The following GRAMD1A variants were observed in gnomAD, a reference collection of about 807,000 sequenced individuals.
The protein encoded by GRAMD1A is protein Aster-A.
Under a neutral mutation model 92.0 loss-of-function variants are expected in GRAMD1A, and 50 were observed. The observed-to-expected ratio is 0.54, with a 90% CI of 0.43 to 0.69. The LOEUF (loss-of-function observed/expected upper bound fraction) is 0.69. Among genes scored for constraint, GRAMD1A ranks in the 30% least tolerant of loss-of-function variants. GRAMD1A has a pLI of 0.00. For synonymous variants in GRAMD1A, 405 were observed against 403.6 expected (o/e 1.00, Z -0.04); for missense variants, 819 against 978.9 (o/e 0.84, Z 2.18).
At chr19:35,014,084 AC>A in intron 9 of GRAMD1A, 104 bp from the exon 10 acceptor site, 3 of 1,083,942 alleles carry the variant, frequency 2.8e-6, no homozygotes, top group Non-Finnish European at 4.2e-6. Context: ...TGCACACACC[AC>A]CCCGGGTCTG....
chr19:35,012,905 G>A lies in GRAMD1A; in HGVS notation c.607-351G>A, dbSNP rs146456369. The A allele has an allele frequency of 7.4e-3, 1,396 of 189,224 alleles. 23 individuals carry two copies. The highest frequency in any genetic ancestry group is 0.03 in the African/African-American group (1,290 of 43,160). 11.7% of individuals were successfully genotyped at this position (189,224 alleles called of 1,614,324 possible). A position where few individuals can be genotyped will look rare whatever the true frequency, so the allele number is the denominator to read the frequency against. On this transcript the variant is annotated intron_variant, in intron 7 of 19. Transcript: ENST00000317991. The stretch of plus-strand genomic sequence containing the variant: ...TAGGAGAATCGCTTGAACCCAGGAG[G>A]GAGAGGTTGCAGTGAGCTGAGATCA...
intron 13 of GRAMD1A, among the ~76,000 whole-genome samples, chr19:35,020,052 A>G (rs1038255028): frequency 2.0e-5 from 3 of 152,108 alleles, no homozygotes; most frequent in African/African-American, 4.8e-5. Context: ...GGTGTGGGCA[A>G]TGGCTGGAGT....
rs1000386372 is a variant in GRAMD1A at position 35,013,847 on chromosome 19, G to A, written c.870+156G>A. The stretch of plus-strand genomic sequence containing the variant: ...AGGAACAGGACAGGGAGGGGAAGAC[G>A]GACATGTGACAGGGAAAGAGAGACA... On this transcript the variant is annotated intron_variant, in intron 9 of 19. Coordinates refer to ENST00000317991, the MANE Select transcript of GRAMD1A (RefSeq NM_020895.5). The surrounding 1 kb of genome is among the most constrained non-coding windows in gnomAD (Gnocchi z 4.9). Among the ~76,000 whole-genome samples, 5 of 152,224 alleles carry A rather than the reference G, an allele frequency of 3.3e-5. No individual in the cohort carries two copies. Among genetic ancestry groups the A allele is most frequent in the East Asian group, 1.9e-4 (1 of 5,172 alleles).
chr19:35,020,486 C>T (rs1220850271), intron 13 of GRAMD1A, among the ~76,000 whole-genome samples: 2 of 151,870 alleles, frequency 1.3e-5, no homozygotes, highest in Admixed American at 6.6e-5. Flanking sequence ...TGCAGTGAGC[C>T]GAGATCGGGC....
upstream of GRAMD1A, among the ~76,000 whole-genome samples, chr19:34,995,767 G>A (rs1455235813): frequency 3.3e-5 from 5 of 151,796 alleles, no homozygotes; most frequent in Admixed American, 3.3e-4. Flanking sequence ...ACTTTTTGTA[G>A]AGATAAGGTC....
chr19:35,010,417 C>A, intron 6 of GRAMD1A, 38 bp downstream of exon 6: 1 of 1,364,612 alleles, frequency 7.3e-7, no homozygotes, highest in Non-Finnish European at 1.1e-6. Flanking sequence ...CGCGGTCCCC[C>A]GCTCAGCAGG....
At chr19:35,005,892 C>G in intron 1 of GRAMD1A, 1 of 456,218 alleles carries the variant, frequency 2.2e-6, no homozygotes, top group Non-Finnish European at 4.4e-6. Flanking sequence ...AGAAGAACTA[C>G]GATCTGGACA....
At chr19:35,015,413 G>A (rs2015555881) in intron 10 of GRAMD1A, 1 of 166,038 alleles carries the variant, frequency 6.0e-6, no homozygotes, top group Non-Finnish European at 1.3e-5. Flanking sequence ...ACACCCTAGG[G>A]TTGGCTCTGA....
upstream of GRAMD1A, among the ~76,000 whole-genome samples, chr19:34,995,570 GGTT>G (rs532062622): frequency 4.0e-4 from 32 of 80,984 alleles, 5 homozygotes; most frequent in South Asian, 3.9e-3. Context: ...TCAGATCACG[GGTT>G]TTTTTTTTTT....
At chr19:35,014,414 G>T (rs746718182) in intron 10 of GRAMD1A, 27 bp downstream of exon 10, 1 of 1,591,878 alleles carries the variant, frequency 6.3e-7, no homozygotes, top group East Asian at 2.2e-5. Context: ...CAATTCATTC[G>T]CCTCCGGTAC....
At chr19:35,004,450 G>A (rs1326830376) in intron 1 of GRAMD1A, among the ~76,000 whole-genome samples, 2 of 152,076 alleles carry the variant, frequency 1.3e-5, no homozygotes, top group East Asian at 1.9e-4. Flanking sequence ...TCCAAGTCCT[G>A]CCTGCTGCTC....
Position 35,018,683 on chromosome 19 carries a change from A to C in GRAMD1A, c.1214-508A>C, listed in dbSNP as rs929723217. ...CACTCAAGGGAAGGCTGGCAGGGGC[A>C]CTGGGCAGGCAAAGATGGGCTGAAC... is the stretch of plus-strand genomic sequence containing the variant. On this transcript the variant is annotated intron_variant, in intron 11 of 19. Transcript: ENST00000317991. 4.6e-5 allele frequency among the ~76,000 whole-genome samples: 7 copies of C among 152,308 alleles called. No individual in the cohort carries two copies. The East Asian group carries it at 1.4e-3, about 29-fold the overall frequency.
chr19:35,020,134 G>A (rs2015943160), intron 13 of GRAMD1A, among the ~76,000 whole-genome samples: 1 of 152,192 alleles, frequency 6.6e-6, no homozygotes, highest in Non-Finnish European at 1.5e-5. Context: ...GCTCACACCT[G>A]TAATCCCAGC....
chr19:35,011,464 T>C lies in GRAMD1A; in HGVS notation c.526-10T>C, dbSNP rs200641144. 4 of 1,600,424 alleles carry C rather than the reference T, an allele frequency of 2.5e-6. No individual in the cohort carries two copies. Among genetic ancestry groups the C allele is most frequent in the East Asian group, 2.2e-5 (1 of 44,850 alleles). On this transcript the variant is annotated splice_polypyrimidine_tract_variant and intron_variant, in intron 6 of 19. Coordinates refer to ENST00000317991, the MANE Select transcript of GRAMD1A (RefSeq NM_020895.5). ...CTGCTCACACCTCTCTCTCTCTCTC[T>C]CCCTGACAGCATTTCTTCACTTCCT... is the stretch of plus-strand genomic sequence containing the variant.
intron 7 of GRAMD1A, among the ~76,000 whole-genome samples, chr19:35,012,301 T>C (rs991882581): frequency 1.3e-5 from 2 of 152,244 alleles, no homozygotes; most frequent in African/African-American, 4.8e-5. Flanking sequence ...CTTGCACTTC[T>C]CAGCACCATT....
chr19:35,005,466 G>A (rs2014739992), intron 1 of GRAMD1A, among the ~76,000 whole-genome samples: 1 of 152,014 alleles, frequency 6.6e-6, no homozygotes, highest in African/African-American at 2.4e-5. Context: ...CTGGGAGAGG[G>A]AGTGCAGGGC....
At chr19:35,004,710 T>C (rs2014670918) in intron 1 of GRAMD1A, among the ~76,000 whole-genome samples, 1 of 152,112 alleles carries the variant, frequency 6.6e-6, no homozygotes, top group African/African-American at 2.4e-5. Context: ...GTGAGGTCCC[T>C]GTCAGGGTCA....
chr19:35,004,623 G>A (rs1342916192), intron 1 of GRAMD1A, among the ~76,000 whole-genome samples: 3 of 152,194 alleles, frequency 2.0e-5, no homozygotes, highest in East Asian at 1.9e-4. Context: ...TCCTTGTGGC[G>A]GGTGCAGGGT....
chr19:35,017,763 A>G (rs944016360), intron 11 of GRAMD1A, among the ~76,000 whole-genome samples: 5 of 151,364 alleles, frequency 3.3e-5, no homozygotes, highest in African/African-American at 1.2e-4. Flanking sequence ...GCCTTCCCTT[A>G]CCTTCCTCAG....
Sources: allele counts gnomAD v4.1 joint callset (sites outside exome capture counted in the v4.1 genomes callset), GRCh38; gene constraint gnomAD v4.1.1; non-coding constraint Gnocchi (gnomAD v3.1); transcripts MANE v1.5; gene names NCBI Gene and HGNC (gene_info 2026-07-23, HGNC 2026-07-21).